Variants in TNS3 observed in about 807,000 individuals in gnomAD.
TNS3 encodes the protein tensin 3, also known as tensin-3.
TNS3 carries 45 observed loss-of-function variants against 140.9 expected under a neutral mutation model. The observed-to-expected ratio is 0.32, with a 90% CI of 0.25 to 0.41. The LOEUF (loss-of-function observed/expected upper bound fraction) is 0.41, where lower values mean the gene tolerates loss of function less well. Ranked by LOEUF, TNS3 falls within the 10% of genes least tolerant of loss-of-function variation. The pLI, the probability that TNS3 is intolerant of heterozygous loss-of-function variation, is 1.00. For missense variants in TNS3, 1,716 were observed against 1,906.7 expected (o/e 0.90, Z 1.86); for synonymous variants, 815 against 788.4 (o/e 1.03, Z -0.56).
At chr7:47,301,197 C>T (rs1362750455) in intron 23 of TNS3, among the ~76,000 whole-genome samples, 1 of 152,168 alleles carries the variant, frequency 6.6e-6, no homozygotes. Context: ...TTTCTCACCG[C>T]TTTAAACCAA....
intron 25 of TNS3, 88 bp from the exon 26 acceptor site, chr7:47,292,993 T>C (rs1785797570): frequency 1.7e-6 from 2 of 1,166,802 alleles, no homozygotes; most frequent in Non-Finnish European, 2.5e-6. Flanking sequence ...ATGAAACGGA[T>C]GCAAAGGCTG....
intron 3 of TNS3, among the ~76,000 whole-genome samples, chr7:47,491,342 A>T (rs1304726641): frequency 6.6e-6 from 1 of 152,254 alleles, no homozygotes; most frequent in Non-Finnish European, 1.5e-5. Context: ...GACTGAAATT[A>T]GGGCAAGCCC....
chr7:47,367,400 G>T (rs1286774958), intron 17 of TNS3, among the ~76,000 whole-genome samples: 1 of 152,144 alleles, frequency 6.6e-6, no homozygotes, highest in Non-Finnish European at 1.5e-5. Context: ...TAGTAACCTG[G>T]TCCCAACATG....
At chr7:47,406,468 T>G (rs1224965462) in intron 13 of TNS3, among the ~76,000 whole-genome samples, 1 of 152,110 alleles carries the variant, frequency 6.6e-6, no homozygotes, top group Non-Finnish European at 1.5e-5. Context: ...GCAGAGGCCC[T>G]CATGAGGAAA....
rs369436222 is a variant in TNS3, at chr7:47,369,034, C to T, written c.1612G>A (p.Val538Ile). The T allele has an allele frequency of 5.6e-6, 9 of 1,613,898 alleles. No individual in the cohort carries two copies. Among genetic ancestry groups the T allele is most frequent in the African/African-American group, 1.3e-5 (1 of 74,936 alleles). Residue 538 changes from valine to isoleucine, a missense_variant, in exon 17 of 31, where the codon GTT becomes ATT. Transcript: ENST00000311160. ...TCCATGCCAAGGCCCAGGTCCGGAACGAGGGTGCCCTGCGGATCTTCACCA... is the reference window on the plus strand; with the variant it reads ...TCCATGCCAAGGCCCAGGTCCGGAATGAGGGTGCCCTGCGGATCTTCACCA... ...NVGEDPQGTL[V>I]PDLGLGMDGP...
At chr7:47,545,141 ATTT>A (rs34499360) in intron 1 of TNS3, among the ~76,000 whole-genome samples, 64 of 121,952 alleles carry the variant, frequency 5.2e-4, no homozygotes, top group African/African-American at 1.8e-3. Context: ...GTAAGAGGGC[ATTT>A]TTTTTTTTTT....
At chr7:47,403,325 G>A (rs867670950) in intron 13 of TNS3, 1 of 152,248 alleles carries the variant, frequency 6.6e-6, no homozygotes. Context: ...GCAGGAGATG[G>A]GAATCGGCCT....
intron 3 of TNS3, among the ~76,000 whole-genome samples, chr7:47,485,667 G>A (rs566501596): frequency 6.6e-6 from 1 of 152,380 alleles, no homozygotes; most frequent in South Asian, 2.1e-4. Context: ...CTCCCATGGT[G>A]GAGGCGAGGG....
intron 1 of TNS3, among the ~76,000 whole-genome samples, chr7:47,576,470 CTA>C (rs954955158): frequency 5.1e-4 from 78 of 152,354 alleles, no homozygotes; most frequent in African/African-American, 1.8e-3. Flanking sequence ...AGAGCCTGGC[CTA>C]TGTCACTGCC....
intron 22 of TNS3, among the ~76,000 whole-genome samples, chr7:47,302,692 T>C (rs962385052): frequency 2.0e-5 from 3 of 152,234 alleles, no homozygotes; most frequent in Admixed American, 1.3e-4. Context: ...GTAGAACCAC[T>C]GCAAATGTCT....
At chr7:47,563,564 C>A (rs1440939412) in intron 1 of TNS3, among the ~76,000 whole-genome samples, 1 of 152,188 alleles carries the variant, frequency 6.6e-6, no homozygotes, top group Admixed American at 6.5e-5. Context: ...ATCTCACCCC[C>A]AGGGTGTCAT....
At chr7:47,435,253 C>A in intron 8 of TNS3, 29 bp downstream of exon 8, 2 of 1,612,432 alleles carry the variant, frequency 1.2e-6, no homozygotes, top group Non-Finnish European at 1.7e-6. Context: ...CCCAGCCAGA[C>A]CCCCAAATGT....
Position 47,277,905 on chromosome 7 carries a change from C to CG in TNS3, c.*170dup, listed in dbSNP as rs1439917893. ...GTCACTTTCAGGAAAGGCCAATTCA[C>CG]GGTGATGTTGTTTGTTCTTGTTTTT... On this transcript the variant is annotated 3_prime_UTR_variant, in exon 31 of 31. Transcript: ENST00000311160. 4 of 782,772 alleles carry CG rather than the reference C, an allele frequency of 5.1e-6. No individual in the cohort carries two copies. The African/African-American group carries it at 6.8e-5, about 13-fold the overall frequency. The allele number at this position is 782,772 out of a possible 1,614,324, so 48.5% of individuals were successfully genotyped here.
chr7:47,389,025 AAGAAGAAG>A (rs1792271810), intron 16 of TNS3, among the ~76,000 whole-genome samples: 5 of 4,582 alleles, frequency 1.1e-3, no homozygotes, highest in Non-Finnish European at 7.2e-4. Flanking sequence ...GAAGAAGAAG[AAGAAGAAG>A]AAGAAGAAGA....
Position 47,439,609 on chromosome 7 carries a change from T to C in TNS3, c.28A>G (p.Thr10Ala), listed in dbSNP as rs1334252742. The change falls in exon 6 of 31, where the codon ACT (threonine) becomes GCT (alanine). Residue 10 changes from threonine to alanine, a missense_variant. By Grantham distance (58) the Thr-to-Ala change is moderately conservative. Coordinates refer to ENST00000311160, the MANE Select transcript of TNS3 (RefSeq NM_022748.12). ...GCGATGATGCGCTCCGTGATGTAAG[T>C]GAGGTCCAGCCCATGGCCCTCCTCC... MEEGHGLDL[T>A]YITERIIAVS... is the part of the protein sequence containing the mutation. The C allele has an allele frequency of 1.9e-6, 3 of 1,613,888 alleles. No homozygotes were observed. Among genetic ancestry groups the C allele is most frequent in the Non-Finnish European group, 2.5e-6 (3 of 1,179,976 alleles).
At chr7:47,453,182 C>T in intron 4 of TNS3, 1 of 985,634 alleles carries the variant, frequency 1.0e-6, no homozygotes, top group Non-Finnish European at 1.2e-6. Flanking sequence ...GGTGAGCACG[C>T]AGGCATGGAG....
intron 16 of TNS3, among the ~76,000 whole-genome samples, chr7:47,391,437 A>C (rs1792510463): frequency 6.6e-6 from 1 of 152,198 alleles, no homozygotes; most frequent in African/African-American, 2.4e-5. Context: ...TGATAACAAA[A>C]ATCTCAGAGT....
In TNS3 at chr7:47,297,209, G is replaced by T. The variant is rs116297963; in HGVS notation, c.3549C>A (p.Ile1183=). The change falls in exon 24 of 31, where the codon ATC becomes ATA. Residue 1183 remains isoleucine, a synonymous_variant. Coordinates refer to ENST00000311160, the MANE Select transcript of TNS3 (RefSeq NM_022748.12). ...CCGGCTCCTTGTCCTTCAACATGGC[G>T]ATGGCTGGAGAAAGGGAGGAGAAAG... is the stretch of plus-strand genomic sequence containing the variant. ...YKADISREQA[I]AMLKDKEPGS... 6 of 1,609,712 alleles carry T rather than the reference G, an allele frequency of 3.7e-6. No individual in the cohort carries two copies. In the Admixed American group the frequency reaches 5.1e-5, roughly 14 times the overall value.
In TNS3 at chr7:47,353,992, A is replaced by AACACACAC. The variant is rs10598998; in HGVS notation, c.2282-7644_2282-7637dup. Among the ~76,000 whole-genome samples, 370 of 143,484 alleles carry AACACACAC rather than the reference A, an allele frequency of 2.6e-3. 1 individual carries two copies. The highest frequency in any genetic ancestry group is 4.2e-3 in the African/African-American group (159 of 38,060). The allele number at this position is 143,484 out of a possible 152,430, so 94.1% of individuals were successfully genotyped here. On this transcript the variant is annotated intron_variant, in intron 17 of 30. Transcript: ENST00000311160. Reference sequence around the variant, plus strand: ...ACAAACAAACAAACACAGAGGACAAAACACACACACACACACACACACACA... The same window carrying AACACACAC: ...ACAAACAAACAAACACAGAGGACAAAACACACACACACACACACACACACACACACACA...
Sources: allele counts gnomAD v4.1 joint callset (sites outside exome capture counted in the v4.1 genomes callset), GRCh38; gene constraint gnomAD v4.1.1; transcripts MANE v1.5; gene names NCBI Gene and HGNC (gene_info 2026-07-23, HGNC 2026-07-21).